Variants in DOCK3 observed in about 807,000 individuals in gnomAD.
DOCK3 encodes the protein dedicator of cytokinesis 3.
Under a neutral mutation model 265.6 loss-of-function variants are expected in DOCK3, and 60 were observed. The observed-to-expected ratio is 0.23, with a 90% CI of 0.18 to 0.28. The LOEUF (loss-of-function observed/expected upper bound fraction) is 0.28, where lower values mean the gene tolerates loss of function less well. Among genes scored for constraint, DOCK3 ranks in the 10% least tolerant of loss-of-function variants. DOCK3 has a pLI of 1.00. For synonymous variants in DOCK3, 881 were observed against 938.0 expected (o/e 0.94, Z 1.11); for missense variants, 1,981 against 2,594.3 (o/e 0.76, Z 5.14).
At chr3:50,877,507 G>C in intron 3 of DOCK3, 1 of 520,160 alleles carries the variant, frequency 1.9e-6, no homozygotes, top group Non-Finnish European at 3.8e-6. Flanking sequence ...TCGAATGGCA[G>C]TGTTTGGCTT....
At chr3:50,941,267 A>AT (rs1253042411) in intron 5 of DOCK3, among the ~76,000 whole-genome samples, 5 of 152,186 alleles carry the variant, frequency 3.3e-5, no homozygotes, top group Non-Finnish European at 7.4e-5. Context: ...AAATACTTGA[A>AT]TAGGGACAAG....
At chr3:50,922,830 T>G (rs1035341263) in intron 4 of DOCK3, among the ~76,000 whole-genome samples, 3 of 151,918 alleles carry the variant, frequency 2.0e-5, no homozygotes, top group Non-Finnish European at 4.4e-5. Flanking sequence ...AAGAAAGTTC[T>G]CTAGTGGTGA....
At chr3:51,031,211 A>G (rs2080035972) in intron 5 of DOCK3, among the ~76,000 whole-genome samples, 1 of 152,126 alleles carries the variant, frequency 6.6e-6, no homozygotes, top group Non-Finnish European at 1.5e-5. Context: ...ATATTTGGGT[A>G]GGTTAGAGCT....
chr3:50,737,027 T>C (rs1245665804), intron 1 of DOCK3, among the ~76,000 whole-genome samples: 1 of 152,200 alleles, frequency 6.6e-6, no homozygotes, highest in East Asian at 1.9e-4. Flanking sequence ...TCTGTTCGTA[T>C]CCTTCGCCCA....
intron 32 of DOCK3, among the ~76,000 whole-genome samples, chr3:51,327,899 C>T (rs2084252676): frequency 6.6e-6 from 1 of 152,022 alleles, no homozygotes; most frequent in Admixed American, 6.6e-5. Flanking sequence ...TCAGGCTGGT[C>T]TCAAACTCCT....
chr3:50,868,556 T>C (rs901008837), intron 3 of DOCK3, among the ~76,000 whole-genome samples: 1 of 152,070 alleles, frequency 6.6e-6, no homozygotes, highest in Non-Finnish European at 1.5e-5. Flanking sequence ...GTATATTTTG[T>C]AGAGTCAGAG....
intron 4 of DOCK3, among the ~76,000 whole-genome samples, chr3:50,903,790 G>A (rs903969642): frequency 1.3e-5 from 2 of 151,566 alleles, no homozygotes; most frequent in Middle Eastern, 3.2e-3. Flanking sequence ...TATACTTTAA[G>A]TTCTAGGGTA....
chr3:50,719,275 T>C (rs1226446542), intron 1 of DOCK3, among the ~76,000 whole-genome samples: 1 of 151,704 alleles, frequency 6.6e-6, no homozygotes, highest in Non-Finnish European at 1.5e-5. Context: ...TTTCTTTTTT[T>C]TTTTTGTTAG....
chr3:51,011,570 C>T (rs189447411), intron 5 of DOCK3, among the ~76,000 whole-genome samples: 3,494 of 152,208 alleles, frequency 0.023, 60 homozygotes, highest in Middle Eastern at 0.041. Context: ...TGAGTTTGAA[C>T]TTCCTCCTTT....
At chr3:50,791,006 A>G (rs187292053) in intron 2 of DOCK3, among the ~76,000 whole-genome samples, 50 of 152,086 alleles carry the variant, frequency 3.3e-4, no homozygotes, top group Non-Finnish European at 4.4e-5. Context: ...TGTAGACGAT[A>G]TTAGACCTTT....
intron 4 of DOCK3, among the ~76,000 whole-genome samples, chr3:50,896,798 G>T (rs759065196): frequency 6.6e-6 from 1 of 152,168 alleles, no homozygotes; most frequent in Non-Finnish European, 1.5e-5. Flanking sequence ...TCAGATGGTT[G>T]TAGACATGTA....
chr3:50,698,517 G>GTTTTTTTTTTTTTTTTT lies in DOCK3; in HGVS notation c.37+23226_37+23242dup. Reference sequence around the variant, plus strand: ...GTTTCTCTGTGGATGTATGTTTTTGGTTTTTTTTTTTTTTTTTTTTTTTTT... The same window carrying GTTTTTTTTTTTTTTTTT: ...GTTTCTCTGTGGATGTATGTTTTTGGTTTTTTTTTTTTTTTTTTTTTTTTTTTTTTTTTTTTTTTTTT... On this transcript the variant is annotated intron_variant, in intron 1 of 52. Transcript: ENST00000266037. 4.5e-3 allele frequency among the ~76,000 whole-genome samples: 88 copies of GTTTTTTTTTTTTTTTTT among 19,500 alleles called. 28 individuals are homozygous for GTTTTTTTTTTTTTTTTT. Among genetic ancestry groups the GTTTTTTTTTTTTTTTTT allele is most frequent in the Non-Finnish European group, 6.3e-3 (53 of 8,456 alleles). The allele number at this position is 19,500 out of a possible 152,430, so 12.8% of individuals were successfully genotyped here.
At chr3:51,243,006 C>A (rs1287928238) in intron 21 of DOCK3, among the ~76,000 whole-genome samples, 1 of 152,118 alleles carries the variant, frequency 6.6e-6, no homozygotes, top group Non-Finnish European at 1.5e-5. Flanking sequence ...GCCCCCAGGT[C>A]ACCTGAGGCT....
intron 7 of DOCK3, among the ~76,000 whole-genome samples, chr3:51,081,073 T>C (rs2082219651): frequency 2.0e-5 from 3 of 152,180 alleles, no homozygotes; most frequent in Admixed American, 2.0e-4. Context: ...CAATAATGAT[T>C]AGTTAATATT....
chr3:50,781,294 G>C (rs1044147697), intron 2 of DOCK3, among the ~76,000 whole-genome samples: 3 of 143,092 alleles, frequency 2.1e-5, no homozygotes, highest in Non-Finnish European at 3.0e-5. Context: ...TTGGAGACAG[G>C]GTCTCATTCT....
chr3:51,278,344 C>CCCCT lies in DOCK3; in HGVS notation c.2823+592_2823+595dup, dbSNP rs539525755. ...AGGGGCAGAGAGACAATACCTTGGG[C>CCCCT]CCCTCATGCACCCCAACTCCAGAGT... is the stretch of plus-strand genomic sequence containing the variant. On this transcript the variant is annotated intron_variant, in intron 26 of 52. Transcript: ENST00000266037. 41 of 985,354 alleles carry CCCCT rather than the reference C, an allele frequency of 4.2e-5. No homozygotes were observed. In the South Asian group the frequency reaches 1.6e-3, roughly 38 times the overall value. The allele number at this position is 985,354 out of a possible 1,614,324, so 61.0% of individuals were successfully genotyped here. A position where few individuals can be genotyped will look rare whatever the true frequency, so the allele number is the denominator to read the frequency against.
intron 5 of DOCK3, among the ~76,000 whole-genome samples, chr3:51,037,389 T>C (rs1306227477): frequency 2.6e-5 from 4 of 152,156 alleles, no homozygotes; most frequent in Admixed American, 6.5e-5. Context: ...GATATTTTGA[T>C]TGTGGTCATA....
intron 27 of DOCK3, among the ~76,000 whole-genome samples, chr3:51,287,401 A>G (rs1233809502): frequency 6.6e-6 from 1 of 152,064 alleles, no homozygotes; most frequent in Non-Finnish European, 1.5e-5. Context: ...AAATAAAATA[A>G]AAATTACCCA....
intron 5 of DOCK3, among the ~76,000 whole-genome samples, chr3:50,997,059 C>G (rs1416925196): frequency 6.6e-6 from 1 of 152,156 alleles, no homozygotes; most frequent in Non-Finnish European, 1.5e-5. Flanking sequence ...TGTAGCTTAC[C>G]TTCAGTGACC....
Sources: gnomAD v4.1 joint callset for allele counts (sites outside exome capture counted in the v4.1 genomes callset) on GRCh38, gnomAD v4.1.1 for gene constraint, MANE v1.5 for transcripts, NCBI Gene and HGNC (gene_info 2026-07-23, HGNC 2026-07-21) for gene names.